The following MAPK10 variants were observed in gnomAD, a reference collection of about 807,000 sequenced individuals.
The protein encoded by MAPK10 is mitogen-activated protein kinase 10, also known as JNK3 alpha protein kinase.
MAPK10 carries 25 observed loss-of-function variants against 59.3 expected under a neutral mutation model. That is an observed-to-expected ratio of 0.42 (90% CI 0.31 to 0.59). The LOEUF (loss-of-function observed/expected upper bound fraction) is 0.59. MAPK10 is among the 20% of genes least tolerant of loss of function. MAPK10 has a pLI of 0.15. For synonymous variants in MAPK10, 190 were observed against 200.5 expected (o/e 0.95, Z 0.44); for missense variants, 351 against 568.9 (o/e 0.62, Z 3.90).
At chr4:86,361,431 C>T (rs1171582750), upstream of MAPK10, among the ~76,000 whole-genome samples, 3 of 152,086 alleles carry the variant, frequency 2.0e-5, no homozygotes, top group Non-Finnish European at 2.9e-5. Flanking sequence ...GGATTGATAG[C>T]CAAACAACTT....
rs12510314 is a variant in MAPK10 at position 86,547,325 on chromosome 4, G to A, written c.-263+46585C>T. Among the ~76,000 whole-genome samples the A allele has an allele frequency of 9.4e-3, 1,434 of 152,302 alleles. 6 individuals carry two copies. Among genetic ancestry groups the A allele is most frequent in the Non-Finnish European group, 0.014 (959 of 68,026 alleles). On this transcript the variant is annotated intron_variant, in intron 1 of 4. Transcript: ENST00000502302. ...GCTTGCCAGGAGGTGTGGAGGGAGA[G>A]GCGCTGGGGGGAACCAGGACTGCGC...
chr4:86,147,900 C>T (rs1222035269), intron 4 of MAPK10, among the ~76,000 whole-genome samples: 6 of 152,044 alleles, frequency 3.9e-5, no homozygotes, highest in East Asian at 3.9e-4. Context: ...TGCTAGCCTC[C>T]GTTATTAGTA....
intron 1 of MAPK10, among the ~76,000 whole-genome samples, chr4:86,418,618 A>G (rs775111249): frequency 6.6e-6 from 1 of 152,198 alleles, no homozygotes; most frequent in Non-Finnish European, 1.5e-5. Flanking sequence ...AGCTTACTTA[A>G]TCACAAAACT....
intron 1 of MAPK10, among the ~76,000 whole-genome samples, chr4:86,451,179 A>G (rs1750664797): frequency 6.6e-6 from 1 of 152,192 alleles, no homozygotes; most frequent in African/African-American, 2.4e-5. Flanking sequence ...AGAGTCCTCT[A>G]CAAATAAATA....
chr4:86,051,007 A>T (rs1174859648), intron 11 of MAPK10, among the ~76,000 whole-genome samples: 1 of 152,180 alleles, frequency 6.6e-6, no homozygotes, highest in East Asian at 1.9e-4. Flanking sequence ...AAAGATAGAA[A>T]TCAGATTCTT....
rs926914852 is a variant in MAPK10 at position 86,511,635 on chromosome 4, GGAA to G, written c.-263+82272_-263+82274del. Among the ~76,000 whole-genome samples the G allele has an allele frequency of 6.0e-5, 9 of 150,110 alleles. No homozygotes were observed. The East Asian group carries it at 1.6e-3, about 26-fold the overall frequency. The stretch of plus-strand genomic sequence containing the variant: ...CAGAAGGAGGAAGAGGAAAGAAGAA[GGAA>G]GAAGAATACAGAAGGAGGAGGAGGA... On this transcript the variant is annotated intron_variant, in intron 1 of 4. Coordinates refer to the MAPK10 transcript ENST00000502302.
chr4:86,294,511 A>C (rs113776873), intron 2 of MAPK10, among the ~76,000 whole-genome samples: 1,619 of 151,872 alleles, frequency 0.011, 29 homozygotes, highest in African/African-American at 0.037. Context: ...AGCCCAGAGA[A>C]TTGCCCTCCT....
intron 2 of MAPK10, among the ~76,000 whole-genome samples, chr4:86,206,678 C>G (rs1434436902): frequency 2.6e-5 from 4 of 152,138 alleles, no homozygotes; most frequent in Non-Finnish European, 5.9e-5. Flanking sequence ...TAAAATTGTT[C>G]CTATTTCTCT....
chr4:86,428,499 A>G (rs1366332029), intron 1 of MAPK10, among the ~76,000 whole-genome samples: 1 of 152,026 alleles, frequency 6.6e-6, no homozygotes, highest in East Asian at 1.9e-4. Flanking sequence ...AACAGAGGGG[A>G]CTTTCCTGTT....
chr4:86,017,266 G>T lies in MAPK10; in HGVS notation c.1357C>A (p.Leu453Met). The change falls in exon 14 of 14, where the codon CTG becomes ATG. Residue 453 changes from leucine to methionine, a missense_variant. Coordinates refer to ENST00000641462, the MANE Select transcript of MAPK10 (RefSeq NM_138982.4). This position sits in a 1 kb window ranked among gnomAD's most constrained non-coding sequence, Gnocchi z 4.4. ...CCCAGGGGTCCTGCCGAGGCTTCCA[G>T]GCTGCTGTCAGTGTCAGATGCCAGG... ...QTLASDTDSS[L>M]EASAGPLGCC... 1 of 1,614,178 alleles carries T rather than the reference G, an allele frequency of 6.2e-7. No homozygotes were observed. Among genetic ancestry groups the T allele is most frequent in the Non-Finnish European group, 8.5e-7 (1 of 1,180,028 alleles).
intron 2 of MAPK10, among the ~76,000 whole-genome samples, chr4:86,225,941 C>T (rs112075655): frequency 1.4e-4 from 22 of 152,210 alleles, no homozygotes; most frequent in African/African-American, 4.6e-4. Flanking sequence ...CATGGACATG[C>T]ACATTCATAT....
chr4:86,300,531 C>T (rs960243997), intron 2 of MAPK10: 1 of 151,982 alleles, frequency 6.6e-6, no homozygotes, highest in Non-Finnish European at 1.5e-5. Context: ...GTCACATTTG[C>T]TTTATAGAAT....
At chr4:86,204,995 G>A (rs1240338198) in intron 2 of MAPK10, among the ~76,000 whole-genome samples, 1 of 151,856 alleles carries the variant, frequency 6.6e-6, no homozygotes, top group Non-Finnish European at 1.5e-5. Flanking sequence ...TACAATAACC[G>A]TAAAACCCAA....
intron 9 of MAPK10, chr4:86,089,502 C>A: frequency 2.2e-6 from 1 of 450,786 alleles, no homozygotes; most frequent in Non-Finnish European, 4.0e-6. Context: ...CTACCCAATG[C>A]TACCTAATGT....
At chr4:86,209,008 C>G (rs2085010989) in intron 2 of MAPK10, among the ~76,000 whole-genome samples, 1 of 152,028 alleles carries the variant, frequency 6.6e-6, no homozygotes, top group African/African-American at 2.4e-5. Context: ...TATTAAAGAA[C>G]AAACTGACAA....
intron 2 of MAPK10, among the ~76,000 whole-genome samples, chr4:86,205,050 A>G (rs1463223279): frequency 1.3e-5 from 2 of 152,024 alleles, no homozygotes; most frequent in African/African-American, 2.4e-5. Context: ...TGACTATTAT[A>G]TTAAATGGAA....
chr4:86,431,718 T>A (rs1417779096), intron 1 of MAPK10, among the ~76,000 whole-genome samples: 1 of 152,084 alleles, frequency 6.6e-6, no homozygotes, highest in African/African-American at 2.4e-5. Context: ...AAACAGGAAT[T>A]TATGCTGAGC....
At chr4:86,400,784 A>G (rs1006501426) in intron 1 of MAPK10, among the ~76,000 whole-genome samples, 1 of 152,146 alleles carries the variant, frequency 6.6e-6, no homozygotes, top group Non-Finnish European at 1.5e-5. Flanking sequence ...TAATTCAATG[A>G]CATCCTAACG....
chr4:86,399,888 A>G (rs900823100), intron 1 of MAPK10: 1 of 152,104 alleles, frequency 6.6e-6, no homozygotes, highest in South Asian at 2.1e-4. Context: ...CTTGATAATG[A>G]CTAAAAATAC....
Sources: allele counts gnomAD v4.1 joint callset (sites outside exome capture counted in the v4.1 genomes callset), GRCh38; gene constraint gnomAD v4.1.1; non-coding constraint Gnocchi (gnomAD v3.1); transcripts MANE v1.5; gene names NCBI Gene and HGNC (gene_info 2026-07-23, HGNC 2026-07-21).